MMP26: variants seen among roughly 807,000 people sequenced by gnomAD.
MMP26 encodes the protein matrix metalloproteinase-26.
In MMP26, 33 loss-of-function variants were observed where a neutral mutation model predicts 31.0. The observed-to-expected ratio is 1.06, with a 90% CI of 0.81 to 1.42. The LOEUF (loss-of-function observed/expected upper bound fraction) is 1.42. Among genes scored for constraint, MMP26 ranks in the 40% most tolerant of loss-of-function variants. The probability of loss-of-function intolerance (pLI) is 0.00; values close to 1 mark genes in which losing one functional copy is unlikely to be tolerated. For synonymous variants in MMP26, 122 were observed against 114.9 expected, an observed-to-expected ratio of 1.06 and a Z score of -0.40; for missense variants, 347 against 316.1, an observed-to-expected ratio of 1.10 and a Z score of -0.74.
intron 2 of MMP26, chr11:4,919,449 C>T (rs527592432): frequency 5.3e-5 from 8 of 152,310 alleles, no homozygotes; most frequent in Middle Eastern, 3.4e-3. Flanking sequence ...TTAACCAATT[C>T]CCTAGCAGGC....
At chr11:4,911,845 T>G (rs58065457) in intron 2 of MMP26, among the ~76,000 whole-genome samples, 1,636 of 152,270 alleles carry the variant, frequency 0.011, 29 homozygotes, top group African/African-American at 0.038. Flanking sequence ...ACCACCAAAA[T>G]GTAAGTCAGG....
intron 2 of MMP26, chr11:4,803,956 G>T (rs903426846): frequency 1.2e-6 from 2 of 1,613,560 alleles, no homozygotes; most frequent in African/African-American, 2.7e-5. Context: ...GATCACGACC[G>T]ATGGGGTCAG....
At chr11:4,716,661 T>TTTA (rs1554926805) in intron 1 of MMP26, among the ~76,000 whole-genome samples, 1 of 124,908 alleles carries the variant, frequency 8.0e-6, no homozygotes, top group Non-Finnish European at 1.7e-5. Flanking sequence ...TTTTTTTTTT[T>TTTA]TTTTTTTTTT....
chr11:4,904,272 T>A (rs1564803709), intron 2 of MMP26, among the ~76,000 whole-genome samples: 1 of 152,082 alleles, frequency 6.6e-6, no homozygotes, highest in Non-Finnish European at 1.5e-5. Flanking sequence ...TTTCCCAGAT[T>A]CACACAGGGT....
intron 2 of MMP26, chr11:4,882,332 G>A: frequency 1.2e-6 from 2 of 1,613,912 alleles, no homozygotes; most frequent in Non-Finnish European, 1.7e-6. Context: ...GATGGTCCTG[G>A]TGATAGGGCT....
intron 2 of MMP26, among the ~76,000 whole-genome samples, chr11:4,976,567 G>T (rs1200766909): frequency 6.6e-6 from 1 of 151,932 alleles, no homozygotes; most frequent in Admixed American, 6.6e-5. Context: ...TCAAATCCCG[G>T]CTATTAGGCC....
chr11:4,739,987 G>GATATTAAATATAT (rs1451728140), intron 1 of MMP26, among the ~76,000 whole-genome samples: 4 of 152,090 alleles, frequency 2.6e-5, no homozygotes, highest in Non-Finnish European at 5.9e-5. Context: ...AAATATTATG[G>GATATTAAATATAT]CAAAGGTCTC....
intron 1 of MMP26, 65 bp from the exon 2 acceptor site, chr11:4,767,205 C>T (rs1193208897): frequency 6.6e-6 from 1 of 152,136 alleles, no homozygotes; most frequent in East Asian, 1.9e-4. Context: ...GACCTTAAAA[C>T]TCAGAAGATA....
At chr11:4,801,119 A>T (rs941824342) in intron 2 of MMP26, among the ~76,000 whole-genome samples, 1 of 152,176 alleles carries the variant, frequency 6.6e-6, no homozygotes, top group Non-Finnish European at 1.5e-5. Flanking sequence ...ACAATTATTT[A>T]ACCAGTCTCT....
Position 4,863,826 on chromosome 11 carries a change from T to G in MMP26, c.-145+96485T>G, listed in dbSNP as rs149062334. On this transcript the variant is annotated intron_variant, in intron 2 of 7. Coordinates refer to ENST00000380390, the MANE Select transcript of MMP26 (RefSeq NM_021801.5). ...TATCCCTTCCTAATTTCCCTAAGGA[T>G]TCTAAAAATTTCCTTTATCTGTCAG... Among the ~76,000 whole-genome samples, 936 of 152,100 alleles carry G rather than the reference T, an allele frequency of 6.2e-3. 11 individuals carry two copies. The highest frequency in any genetic ancestry group is 0.022 in the African/African-American group (892 of 41,378).
chr11:4,711,443 A>G (rs1847861291), intron 1 of MMP26: 1 of 152,206 alleles, frequency 6.6e-6, no homozygotes, highest in South Asian at 2.1e-4. Flanking sequence ...CTTGCATTTT[A>G]TAAATGTTCA....
intron 2 of MMP26, among the ~76,000 whole-genome samples, chr11:4,788,154 C>T (rs920024070): frequency 6.6e-5 from 10 of 152,114 alleles, no homozygotes; most frequent in Non-Finnish European, 1.0e-4. Context: ...TTGGAAAATT[C>T]CTGAAGAAGG....
chr11:4,964,134 T>G (rs1846558397), intron 2 of MMP26, among the ~76,000 whole-genome samples: 1 of 152,154 alleles, frequency 6.6e-6, no homozygotes, highest in Admixed American at 6.5e-5. Context: ...ATTTGTCAAT[T>G]TTTGGTTTTG....
intron 2 of MMP26, among the ~76,000 whole-genome samples, chr11:4,790,151 C>G (rs916566718): frequency 6.6e-6 from 1 of 151,998 alleles, no homozygotes; most frequent in Non-Finnish European, 1.5e-5. Context: ...ACCATCCTGG[C>G]TAACATAGTG....
At chr11:4,980,492 A>G (rs1053031683) in intron 2 of MMP26, among the ~76,000 whole-genome samples, 1 of 152,100 alleles carries the variant, frequency 6.6e-6, no homozygotes, top group Non-Finnish European at 1.5e-5. Context: ...GGGATGGAAA[A>G]CAAAATAAAA....
intron 2 of MMP26, among the ~76,000 whole-genome samples, chr11:4,834,541 A>T (rs908068910): frequency 2.0e-5 from 3 of 152,188 alleles, no homozygotes; most frequent in Non-Finnish European, 4.4e-5. Flanking sequence ...TTAGGAATTT[A>T]GAAGCTAACC....
chr11:4,841,088 A>T (rs1849787900), intron 2 of MMP26, among the ~76,000 whole-genome samples: 1 of 152,210 alleles, frequency 6.6e-6, no homozygotes, highest in African/African-American at 2.4e-5. Context: ...AGTGAGCCTG[A>T]AGACAGGCTA....
chr11:4,946,677 T>C, intron 2 of MMP26: 2 of 1,592,034 alleles, frequency 1.3e-6, no homozygotes, highest in South Asian at 2.2e-5. Flanking sequence ...TGGGCAACTC[T>C]GACAGTTGTC....
At position 4,967,668 on chromosome 11, in the gene MMP26, AT is replaced by A. The variant is rs1846614614; in HGVS notation, c.-144-20398del. 2.6e-5 allele frequency among the ~76,000 whole-genome samples: 4 copies of A among 152,070 alleles called. No individual in the cohort carries two copies. In the South Asian group the frequency reaches 8.3e-4, roughly 31 times the overall value. On this transcript the variant is annotated intron_variant, in intron 2 of 7. Coordinates refer to ENST00000380390, the MANE Select transcript of MMP26 (RefSeq NM_021801.5). ...AGTCAACCTTGCTTCCTTATATTTGATTCTAAGTACATCATTCTCAAACATA... is the reference window on the plus strand; with the variant it reads ...AGTCAACCTTGCTTCCTTATATTTGATCTAAGTACATCATTCTCAAACATA...
Sources: gnomAD v4.1 joint callset for allele counts (sites outside exome capture counted in the v4.1 genomes callset) on GRCh38, gnomAD v4.1.1 for gene constraint, MANE v1.5 for transcripts, NCBI Gene and HGNC (gene_info 2026-07-23, HGNC 2026-07-21) for gene names.